Variants in RALB observed in about 807,000 individuals in gnomAD.
The protein encoded by RALB is RAS like proto-oncogene B.
In RALB, 16 loss-of-function variants were observed where a neutral mutation model predicts 21.3. The ratio of observed to expected loss-of-function variants is 0.75; its 90% confidence interval spans 0.51 to 1.14. The LOEUF is 1.14. RALB is among the 50% of genes most tolerant of loss of function. The pLI, the probability that RALB is intolerant of heterozygous loss-of-function variation, is 0.00. For synonymous variants in RALB, 93 were observed against 96.1 expected (o/e 0.97, Z 0.19); for missense variants, 161 against 256.2 (o/e 0.63, Z 2.54).
intron 4 of RALB, 27 bp from the exon 5 acceptor site, chr2:120,293,113 CT>C: frequency 6.4e-7 from 1 of 1,566,356 alleles, no homozygotes; most frequent in Non-Finnish European, 8.6e-7. Context: ...CTTCACTATT[CT>C]TTTTACTCTT....
chr2:120,266,460 G>A (rs959000826), intron 1 of RALB, among the ~76,000 whole-genome samples: 1 of 152,190 alleles, frequency 6.6e-6, no homozygotes, highest in Admixed American at 6.5e-5. Context: ...GGTTGGCCAG[G>A]ATGGTCTCAA....
chr2:120,248,064 C>T (rs369948922), upstream of RALB, among the ~76,000 whole-genome samples: 2 of 152,132 alleles, frequency 1.3e-5, no homozygotes, highest in Non-Finnish European at 2.9e-5. Flanking sequence ...GGTGGTGAAA[C>T]GCAGAGGGGA....
chr2:120,289,613 T>C lies in RALB; in HGVS notation c.357T>C (p.Asp119=). The C allele has an allele frequency of 1.9e-6, 3 of 1,614,122 alleles. No individual in the cohort carries two copies. The highest frequency in any genetic ancestry group is 2.5e-6 in the Non-Finnish European group (3 of 1,180,010). ...TTCTCCGTGTGAAGGCTGAAGAAGA[T>C]AAAATTCCACTGCTCGTCGTGGGAA... ...EQILRVKAEE[D]KIPLLVVGNK... is the part of the protein sequence containing the mutation. Residue 119 remains aspartate (D), a synonymous_variant, in exon 4 of 5, where the codon GAT becomes GAC. Transcript: ENST00000272519.
intron 3 of RALB, among the ~76,000 whole-genome samples, chr2:120,287,296 A>G (rs1019353912): frequency 6.6e-6 from 1 of 152,212 alleles, no homozygotes. Context: ...GTGATGCTTC[A>G]TAGCTCCAGG....
chr2:120,267,479 A>C (rs1337864117), intron 1 of RALB, among the ~76,000 whole-genome samples: 1 of 152,160 alleles, frequency 6.6e-6, no homozygotes, highest in Non-Finnish European at 1.5e-5. Flanking sequence ...TACACAAGGG[A>C]AGGGGAACTT....
intron 1 of RALB, among the ~76,000 whole-genome samples, chr2:120,256,041 C>A (rs1173255731): frequency 6.6e-6 from 1 of 152,108 alleles, no homozygotes. Flanking sequence ...ACAAATTTCC[C>A]CAAACTTAGC....
Position 120,252,896 on chromosome 2 carries a change from T to C in RALB, c.-132T>C, listed in dbSNP as rs1416692347. 7 of 985,242 alleles carry C rather than the reference T, an allele frequency of 7.1e-6. No homozygotes were observed. Among genetic ancestry groups the C allele is most frequent in the Non-Finnish European group, 8.4e-6 (7 of 830,022 alleles). The allele number at this position is 985,242 out of a possible 1,614,324, so 61.0% of individuals were successfully genotyped here. A position where few individuals can be genotyped will look rare whatever the true frequency, so the allele number is the denominator to read the frequency against. On this transcript the variant is annotated 5_prime_UTR_variant, in exon 1 of 5. Transcript: ENST00000272519. ...CAATGACAAATCGGTGGAGGACGGC[T>C]GGGGTCCGGCCCCGGGAGGGGGCGG...
At chr2:120,285,817 G>T in intron 2 of RALB, 57 bp from the exon 3 acceptor site, 3 of 1,498,974 alleles carry the variant, frequency 2.0e-6, no homozygotes, top group Admixed American at 1.7e-5. Flanking sequence ...TTTGTTTTTT[G>T]GCAGATTTTG....
chr2:120,288,342 G>GTTTTGTTTT (rs1690218199), intron 3 of RALB, among the ~76,000 whole-genome samples: 1 of 117,090 alleles, frequency 8.5e-6, no homozygotes, highest in Non-Finnish European at 1.7e-5. Context: ...GAAAATTTTA[G>GTTTTGTTTT]TTTTTTTTTT....
At chr2:120,291,303 C>T (rs748902793) in intron 4 of RALB, among the ~76,000 whole-genome samples, 14 of 152,122 alleles carry the variant, frequency 9.2e-5, no homozygotes, top group Admixed American at 3.9e-4. Context: ...CGTGTTCCGC[C>T]GTCAGCTTTT....
At chr2:120,248,512 C>T (rs1689006413), upstream of RALB, among the ~76,000 whole-genome samples, 1 of 151,488 alleles carries the variant, frequency 6.6e-6, no homozygotes, top group South Asian at 2.1e-4. Flanking sequence ...TGCTCCCTTC[C>T]TCCTGCAATC....
At chr2:120,259,884 A>C (rs62168265) in intron 1 of RALB, among the ~76,000 whole-genome samples, 132 of 152,064 alleles carry the variant, frequency 8.7e-4, no homozygotes, top group Middle Eastern at 3.5e-3. Flanking sequence ...TGCAGGTCCC[A>C]AGCCCTGCCC....
intron 1 of RALB, among the ~76,000 whole-genome samples, chr2:120,275,474 G>A (rs554596717): frequency 3.3e-5 from 5 of 152,292 alleles, no homozygotes; most frequent in African/African-American, 1.2e-4. Context: ...GAATCTTTTA[G>A]AATTTCCCAT....
chr2:120,255,508 G>A (rs897306371), intron 1 of RALB, among the ~76,000 whole-genome samples: 5 of 152,112 alleles, frequency 3.3e-5, no homozygotes, highest in African/African-American at 9.7e-5. Flanking sequence ...AGTTCTTTTG[G>A]TACCTAGGAA....
intron 2 of RALB, among the ~76,000 whole-genome samples, chr2:120,280,005 A>G (rs1356642436): frequency 6.6e-6 from 1 of 152,154 alleles, no homozygotes; most frequent in African/African-American, 2.4e-5. Flanking sequence ...TGGCTGCAGG[A>G]GTACTCCAAC....
intron 1 of RALB, among the ~76,000 whole-genome samples, chr2:120,257,836 C>T (rs964714038): frequency 8.5e-5 from 13 of 152,312 alleles, no homozygotes; most frequent in Admixed American, 7.8e-4. Context: ...TCCTTTACTG[C>T]TGATAGCTGA....
upstream of RALB, among the ~76,000 whole-genome samples, chr2:120,248,977 A>G (rs1425063074): frequency 6.6e-6 from 1 of 151,714 alleles, no homozygotes; most frequent in Non-Finnish European, 1.5e-5. Context: ...ACCCAGAGTA[A>G]TCTTTTTAAA....
At chr2:120,273,071 A>G (rs1689705550) in intron 1 of RALB, among the ~76,000 whole-genome samples, 1 of 152,224 alleles carries the variant, frequency 6.6e-6, no homozygotes, top group Non-Finnish European at 1.5e-5. Flanking sequence ...CTGCACAGAC[A>G]AAACCAATTC....
chr2:120,276,470 G>A (rs887739596), intron 1 of RALB, among the ~76,000 whole-genome samples: 1 of 152,094 alleles, frequency 6.6e-6, no homozygotes, highest in African/African-American at 2.4e-5. Flanking sequence ...AGGCAGGGTG[G>A]TGCGTGCCTG....
Sources: allele counts gnomAD v4.1 joint callset (sites outside exome capture counted in the v4.1 genomes callset), GRCh38; gene constraint gnomAD v4.1.1; transcripts MANE v1.5; gene names NCBI Gene and HGNC (gene_info 2026-07-23, HGNC 2026-07-21).